The following MEGF6 variants were observed in gnomAD, a reference collection of about 807,000 sequenced individuals.
The protein encoded by MEGF6 is multiple epidermal growth factor-like domains protein 6.
Under a neutral mutation model 207.1 loss-of-function variants are expected in MEGF6, and 184 were observed. That is an observed-to-expected ratio of 0.89 (90% confidence interval 0.79 to 1.00). The LOEUF is 1.00. MEGF6 is among the 50% of genes least tolerant of loss of function. The pLI, the probability that MEGF6 is intolerant of heterozygous loss-of-function variation, is 0.00. For missense variants in MEGF6, 2,282 were observed against 2,202.9 expected, an observed-to-expected ratio of 1.04 and a Z score of -0.72; for synonymous variants, 1,038 against 910.0, an observed-to-expected ratio of 1.14 and a Z score of -2.53.
intron 34 of MEGF6, 42 bp downstream of exon 34, chr1:3,493,729 G>A (rs546710167): frequency 6.0e-5 from 96 of 1,598,978 alleles, no homozygotes; most frequent in Non-Finnish European, 8.0e-5. Context: ...CACTGATGGA[G>A]ACCCACACCC....
the MEGF6 span, among the ~76,000 whole-genome samples, chr1:3,621,504 A>G: frequency 6.6e-6 from 1 of 152,258 alleles, no homozygotes; most frequent in Non-Finnish European, 1.5e-5. Context: ...ACTACAAATT[A>G]ATGATTAATG....
At chr1:3,505,606 C>G (rs769028826) in intron 15 of MEGF6, 50 bp from the exon 16 acceptor site, 2 of 1,492,826 alleles carry the variant, frequency 1.3e-6, no homozygotes, top group Admixed American at 2.1e-5. Flanking sequence ...GCCCCACCCT[C>G]CCAGACCGCT....
At chr1:3,500,892 C>G in intron 20 of MEGF6, 74 bp downstream of exon 20, 1 of 1,605,464 alleles carries the variant, frequency 6.2e-7, no homozygotes, top group East Asian at 2.2e-5. Flanking sequence ...CCTCGGGGGC[C>G]CTGGGCAGAG....
chr1:3,527,110 C>T (rs555916508), intron 4 of MEGF6, among the ~76,000 whole-genome samples: 5 of 152,350 alleles, frequency 3.3e-5, no homozygotes, highest in Admixed American at 2.6e-4. Flanking sequence ...CGGCTGTGAC[C>T]ACCAAGGCCT....
rs763514102 is a variant in MEGF6 at position 3,499,141 on chromosome 1, G to A, written c.3091C>T (p.Gln1031Ter). The A allele has an allele frequency of 4.4e-6, 7 of 1,603,964 alleles. No homozygotes were observed. Among genetic ancestry groups the A allele is most frequent in the East Asian group, 2.2e-5 (1 of 44,604 alleles). The change falls in exon 24 of 37, where the codon CAG becomes TAG. Residue 1031 changes from glutamine to a stop codon, truncating the protein, a stop_gained. Transcript: ENST00000356575. LOFTEE classifies it high-confidence loss of function. ...APGWMGPSCLQACPAGLYGDN... is the reference protein window; with the variant it reads ...APGWMGPSCL The stretch of plus-strand genomic sequence containing the variant: ...TGGACTCCTAGATGTGGCTTACCCT[G>A]CAGGCAGGAGGGCCCCATCCAGCCA...
At chr1:3,613,555 G>A (rs1423573593), upstream of MEGF6, among the ~76,000 whole-genome samples, 3 of 152,196 alleles carry the variant, frequency 2.0e-5, no homozygotes, top group Non-Finnish European at 4.4e-5. Context: ...GACGGGGGTG[G>A]AGGAGGATGA....
At position 3,514,847 on chromosome 1, in the gene MEGF6, C is replaced by T. The variant is rs765052887; in HGVS notation, c.731-175G>A. Among the ~76,000 whole-genome samples, 6 of 152,202 alleles carry T rather than the reference C, an allele frequency of 3.9e-5. No individual in the cohort carries two copies. In the South Asian group the frequency reaches 6.2e-4, roughly 16 times the overall value. Reference sequence around the variant, plus strand: ...TCCCAGGTGCGGGAAGCCCCCAAGACGCCGAGAAGACTCTGCAGTCTCAGG... The same window carrying T: ...TCCCAGGTGCGGGAAGCCCCCAAGATGCCGAGAAGACTCTGCAGTCTCAGG... On this transcript the variant is annotated intron_variant, in intron 6 of 36. Transcript: ENST00000356575.
rs540574782 is a variant in MEGF6, at chr1:3,594,134, C to T, written c.376+1204G>A. ...GAGCCCACTGTCCATTAAACCTCAA[C>T]GTGGAGCGTGCTGGCGGGACATGGT... On this transcript the variant is annotated intron_variant, in intron 3 of 36. Coordinates refer to ENST00000356575, the MANE Select transcript of MEGF6 (RefSeq NM_001409.4). The surrounding 1 kb of genome is among the most constrained non-coding windows in gnomAD (Gnocchi z 4.2). Among the ~76,000 whole-genome samples the T allele has an allele frequency of 4.6e-5, 7 of 152,326 alleles. No homozygotes were observed. Among genetic ancestry groups the T allele is most frequent in the African/African-American group, 7.2e-5 (3 of 41,586 alleles).
Position 3,490,473 on chromosome 1 carries a change from G to A in MEGF6, c.*55C>T. 3 of 1,595,342 alleles carry A rather than the reference G, an allele frequency of 1.9e-6. No individual in the cohort carries two copies. The highest frequency in any genetic ancestry group is 1.3e-5 in the African/African-American group (1 of 74,326). ...GTGTCCTTCTCAGTGGTCACCAAAG[G>A]CCAGGGTCCCCTCTGGCTGGGACTG... On this transcript the variant is annotated 3_prime_UTR_variant, in exon 37 of 37. Coordinates refer to ENST00000356575, the MANE Select transcript of MEGF6 (RefSeq NM_001409.4).
At chr1:3,529,597 C>T (rs1385179654) in intron 4 of MEGF6, among the ~76,000 whole-genome samples, 3 of 152,230 alleles carry the variant, frequency 2.0e-5, no homozygotes, top group African/African-American at 4.8e-5. Flanking sequence ...ACTGTCAGCA[C>T]ACTGGCACAC....
chr1:3,508,663 C>A lies in MEGF6; in HGVS notation c.1555G>T (p.Asp519Tyr), dbSNP rs765665679. 1 of 1,613,452 alleles carries A rather than the reference C, an allele frequency of 6.2e-7. No homozygotes were observed. Among genetic ancestry groups the A allele is most frequent in the Non-Finnish European group, 8.5e-7 (1 of 1,179,962 alleles). The change falls in exon 13 of 37, where the codon GAC becomes TAC. Residue 519 changes from aspartate (D) to tyrosine (Y), a missense_variant. By Grantham distance (160) the Asp-to-Tyr change is radical. Transcript: ENST00000356575. ...CAGTCATCACAGGTCAAGCTGCAGT[C>A]ATGGCCAAAGGAGTCATCCAGGCAG... ...FVCLDDSFGH[D>Y]CSLTCDDCRN...
Position 3,544,238 on chromosome 1 carries a change from A to AGTGTC in MEGF6, c.482-19993_482-19992insGACAC, listed in dbSNP as rs1642630348. ...GGCATCAGGCTAACCCTCTCCCCCC[A>AGTGTC]GCATCGCAGCGGCATCAGGCTAACC... On this transcript the variant is annotated intron_variant, in intron 4 of 36. Transcript: ENST00000356575. Among the ~76,000 whole-genome samples the AGTGTC allele has an allele frequency of 1.2e-4, 18 of 150,398 alleles. 1 individual carries two copies. Among genetic ancestry groups the AGTGTC allele is most frequent in the African/African-American group, 4.4e-4 (18 of 40,500 alleles).
At chr1:3,578,903 C>T (rs1313382018) in intron 4 of MEGF6, among the ~76,000 whole-genome samples, 6 of 150,992 alleles carry the variant, frequency 4.0e-5, no homozygotes, top group South Asian at 2.1e-4. Flanking sequence ...CGGCCCCCAG[C>T]GCAACGTGGA....
Position 3,611,317 on chromosome 1 carries a change from C to T in MEGF6, c.-49G>A. ...CTCTCCGGCTCACAGGCGGCCCCGG[C>T]GGCTCCCCGGAGCCTCCGCCTCCAC... On this transcript the variant is annotated 5_prime_UTR_variant, in exon 1 of 37. Transcript: ENST00000356575. 7.1e-7 allele frequency: 1 copy of T among 1,400,514 alleles called. No homozygotes were observed. The highest frequency in any genetic ancestry group is 9.2e-7 in the Non-Finnish European group (1 of 1,083,756). The allele number at this position is 1,400,514 out of a possible 1,614,324, so 86.8% of individuals were successfully genotyped here.
chr1:3,545,205 C>T (rs775074523), intron 4 of MEGF6, among the ~76,000 whole-genome samples: 9 of 152,108 alleles, frequency 5.9e-5, no homozygotes, highest in East Asian at 1.9e-4. Context: ...GACACCAGCC[C>T]GAGAGGGGTG....
At chr1:3,505,385 G>A in intron 16 of MEGF6, 37 bp downstream of exon 16, 1 of 1,598,166 alleles carries the variant, frequency 6.3e-7, no homozygotes. Context: ...AACCGACCCT[G>A]GCGCCCCCCG....
upstream of MEGF6, among the ~76,000 whole-genome samples, chr1:3,613,659 G>T (rs1644354472): frequency 6.6e-6 from 1 of 152,206 alleles, no homozygotes; most frequent in African/African-American, 2.4e-5. Context: ...CTGGGCAGGG[G>T]AGGGTTCAGG....
At chr1:3,617,686 A>G in the MEGF6 span, among the ~76,000 whole-genome samples, 1 of 152,258 alleles carries the variant, frequency 6.6e-6, no homozygotes, top group Non-Finnish European at 1.5e-5. Flanking sequence ...AGGTGTTTGC[A>G]GATATAATCA....
chr1:3,567,693 C>T (rs1303900258), intron 4 of MEGF6, among the ~76,000 whole-genome samples: 1 of 152,208 alleles, frequency 6.6e-6, no homozygotes, highest in African/African-American at 2.4e-5. Context: ...CGACCCAGAG[C>T]GTCACCCTGC....
Sources: allele counts gnomAD v4.1 joint callset (sites outside exome capture counted in the v4.1 genomes callset), GRCh38; gene constraint gnomAD v4.1.1; non-coding constraint Gnocchi (gnomAD v3.1); transcripts MANE v1.5; gene names NCBI Gene and HGNC (gene_info 2026-07-23, HGNC 2026-07-21).